Variants in PRKN observed in about 807,000 individuals in gnomAD.
PRKN encodes parkin RBR E3 ubiquitin protein ligase, also known as E3 ubiquitin-protein ligase parkin.
Under a neutral mutation model 59.5 loss-of-function variants are expected in PRKN, and 56 were observed. The ratio of observed to expected loss-of-function variants is 0.94; its 90% CI spans 0.76 to 1.18. The LOEUF (loss-of-function observed/expected upper bound fraction) is 1.18. Among genes scored for constraint, PRKN ranks in the 50% most tolerant of loss-of-function variants. PRKN has a pLI of 0.00. For synonymous variants in PRKN, 250 were observed against 222.1 expected (o/e 1.13, Z -1.12); for missense variants, 657 against 596.4 (o/e 1.10, Z -1.06).
At chr6:162,581,767 A>ATG (rs1489276290) in intron 1 of PRKN, among the ~76,000 whole-genome samples, 1 of 152,080 alleles carries the variant, frequency 6.6e-6, no homozygotes, top group Admixed American at 6.5e-5. Context: ...CTCAAAATAT[A>ATG]TATATACTTA....
chr6:162,048,687 A>T (rs1431378269), intron 5 of PRKN, among the ~76,000 whole-genome samples: 1 of 151,082 alleles, frequency 6.6e-6, no homozygotes, highest in Non-Finnish European at 1.5e-5. Context: ...TGGGCCACAC[A>T]TATAATACAC....
chr6:161,689,906 C>G (rs1785713783), intron 7 of PRKN, among the ~76,000 whole-genome samples: 1 of 99,602 alleles, frequency 1.0e-5, no homozygotes, highest in Non-Finnish European at 2.5e-5. Context: ...GATGGGATTT[C>G]ACCATGTTGG....
At chr6:162,283,442 G>T (rs890111128) in intron 2 of PRKN, among the ~76,000 whole-genome samples, 9 of 152,130 alleles carry the variant, frequency 5.9e-5, no homozygotes, top group Non-Finnish European at 1.2e-4. Context: ...CAGTAAATCT[G>T]GTGCCTTCTG....
chr6:162,021,438 A>AATATATATAT (rs1193427302), intron 5 of PRKN, among the ~76,000 whole-genome samples: 5 of 120,794 alleles, frequency 4.1e-5, no homozygotes, highest in African/African-American at 1.3e-4. Flanking sequence ...CATTACAGGG[A>AATATATATAT]ATATATATAT....
intron 6 of PRKN, among the ~76,000 whole-genome samples, chr6:161,873,174 T>C (rs1056092590): frequency 6.6e-6 from 1 of 151,800 alleles, no homozygotes; most frequent in Non-Finnish European, 1.5e-5. Context: ...TTGCAGTCAG[T>C]GTGTGTCTCT....
At chr6:161,748,378 A>G (rs540193566) in intron 7 of PRKN, among the ~76,000 whole-genome samples, 5 of 151,798 alleles carry the variant, frequency 3.3e-5, no homozygotes, top group South Asian at 2.1e-4. Flanking sequence ...GTGTACCACA[A>G]ATGTGTACCT....
rs116143736 is a variant in PRKN at position 162,442,359 on chromosome 6, A to G, written c.171+951T>C. On this transcript the variant is annotated intron_variant, in intron 2 of 11. Transcript: ENST00000366898. ...GCAATTAATTGATGCTGGTTAAGAA[A>G]AGGGGAACATACATCTGCAGGGTCC... 8.1e-3 allele frequency among the ~76,000 whole-genome samples: 1,230 copies of G among 152,318 alleles called. 19 individuals carry two copies. Among genetic ancestry groups the G allele is most frequent in the African/African-American group, 0.028 (1,161 of 41,574 alleles).
At chr6:162,547,772 G>T (rs1779176465) in intron 1 of PRKN, among the ~76,000 whole-genome samples, 1 of 151,928 alleles carries the variant, frequency 6.6e-6, no homozygotes, top group Non-Finnish European at 1.5e-5. Context: ...GTAGAGACGG[G>T]GGTTTCAACA....
At chr6:162,565,614 T>C (rs1394967126) in intron 1 of PRKN, among the ~76,000 whole-genome samples, 1 of 152,128 alleles carries the variant, frequency 6.6e-6, no homozygotes, top group Non-Finnish European at 1.5e-5. Context: ...TGCTTGAACC[T>C]GACAGGCAGA....
At chr6:161,897,762 A>T (rs930329475) in intron 6 of PRKN, among the ~76,000 whole-genome samples, 2 of 151,026 alleles carry the variant, frequency 1.3e-5, no homozygotes, top group African/African-American at 4.9e-5. Flanking sequence ...CGGGTGGATC[A>T]CGAGGTCAGG....
In PRKN at chr6:162,201,209, G is replaced by T. The variant is rs763541235; in HGVS notation, c.456C>A (p.Gly152=). The T allele has an allele frequency of 1.9e-6, 3 of 1,613,884 alleles. No individual in the cohort carries two copies. The highest frequency in any genetic ancestry group is 1.7e-5 in the Admixed American group (1 of 60,022). ...TTCCCGGCTGCACTCTTTGACAGGG[G>T]CCTTTGCAATACACATAAAAGCTGT... ...IYNSFYVYCK[G]PCQRVQPGKL... is the part of the protein sequence containing the mutation. Residue 152 remains glycine (G), a synonymous_variant, in exon 4 of 12, where the codon GGC becomes GGA. Transcript: ENST00000366898.
intron 2 of PRKN, among the ~76,000 whole-genome samples, chr6:162,328,642 A>G (rs1171005189): frequency 1.3e-5 from 2 of 152,208 alleles, no homozygotes; most frequent in African/African-American, 4.8e-5. Flanking sequence ...ATAAAGGAAG[A>G]AATGGCAGCT....
At chr6:161,695,635 G>C (rs935517635) in intron 7 of PRKN, among the ~76,000 whole-genome samples, 1 of 152,224 alleles carries the variant, frequency 6.6e-6, no homozygotes, top group African/African-American at 2.4e-5. Flanking sequence ...AGACAACTGA[G>C]AAGGCAAGGA....
intron 6 of PRKN, among the ~76,000 whole-genome samples, chr6:161,963,932 T>G (rs1780479572): frequency 6.6e-6 from 1 of 150,898 alleles, no homozygotes; most frequent in Admixed American, 6.6e-5. Context: ...CAGCTCTGTA[T>G]TTTTCTACTC....
chr6:161,568,714 T>G (rs988932209), intron 8 of PRKN, among the ~76,000 whole-genome samples: 2 of 152,218 alleles, frequency 1.3e-5, no homozygotes, highest in Admixed American at 1.3e-4. Flanking sequence ...ACAGAGTTTG[T>G]AGTTCCATAT....
intron 4 of PRKN, among the ~76,000 whole-genome samples, chr6:162,073,115 T>C (rs113300451): frequency 4.4e-4 from 67 of 152,122 alleles, no homozygotes; most frequent in African/African-American, 1.1e-3. Flanking sequence ...GTGAAAACCA[T>C]TGAAGCTACA....
chr6:162,654,939 A>C (rs930918282), intron 1 of PRKN, among the ~76,000 whole-genome samples: 4 of 152,140 alleles, frequency 2.6e-5, no homozygotes, highest in Non-Finnish European at 5.9e-5. Context: ...CATATCATTT[A>C]CTTAAAAAAA....
chr6:162,363,609 G>T (rs1482383345), intron 2 of PRKN, among the ~76,000 whole-genome samples: 1 of 3,740 alleles, frequency 2.7e-4, no homozygotes, highest in Non-Finnish European at 4.9e-4. Flanking sequence ...ATGAAGCAAA[G>T]ACATCATCAT....
At position 162,371,510 on chromosome 6, in the gene PRKN, T is replaced by A. The variant is rs374490824; in HGVS notation, c.171+71800A>T. ...TACTGGGGTGACCCTAAATACAAGTTATTTCATTTCTCTGGACTCAGTTTC... is the reference window on the plus strand; with the variant it reads ...TACTGGGGTGACCCTAAATACAAGTAATTTCATTTCTCTGGACTCAGTTTC... On this transcript the variant is annotated intron_variant, in intron 2 of 11. Transcript: ENST00000366898. 1.6e-4 allele frequency among the ~76,000 whole-genome samples: 25 copies of A among 152,300 alleles called. No individual in the cohort carries two copies. In the East Asian group the frequency reaches 4.1e-3, roughly 25 times the overall value.
Sources: allele counts gnomAD v4.1 joint callset (sites outside exome capture counted in the v4.1 genomes callset), GRCh38; gene constraint gnomAD v4.1.1; transcripts MANE v1.5; gene names NCBI Gene and HGNC (gene_info 2026-07-23, HGNC 2026-07-21).